Variants in CNOT1 observed in about 807,000 individuals in gnomAD.
CNOT1 encodes CCR4-associated factor 1.
Under a neutral mutation model 273.8 loss-of-function variants are expected in CNOT1, and 15 were observed. The observed-to-expected ratio is 0.05, with a 90% confidence interval of 0.04 to 0.08. The LOEUF (loss-of-function observed/expected upper bound fraction) is 0.08, where lower values mean the gene tolerates loss of function less well. Among genes scored for constraint, CNOT1 ranks in the 10% least tolerant of loss-of-function variants. The pLI, the probability that CNOT1 is intolerant of heterozygous loss-of-function variation, is 1.00. For missense variants in CNOT1, 1,644 were observed against 2,912.2 expected (o/e 0.56, Z 10.02); for synonymous variants, 1,022 against 1,005.5 (o/e 1.02, Z -0.31).
At chr16:58,612,395 G>C (rs545444111) in intron 1 of CNOT1, among the ~76,000 whole-genome samples, 1 of 152,044 alleles carries the variant, frequency 6.6e-6, no homozygotes, top group Non-Finnish European at 1.5e-5. Flanking sequence ...ACCTAAAAAA[G>C]GTCAATCTGA....
chr16:58,565,360 C>G (rs1435103899), intron 16 of CNOT1, among the ~76,000 whole-genome samples: 4 of 152,108 alleles, frequency 2.6e-5, no homozygotes, highest in Non-Finnish European at 2.9e-5. Flanking sequence ...AGCAATTTGC[C>G]CACCTCAGCC....
chr16:58,598,521 A>T (rs1332709899), intron 2 of CNOT1, among the ~76,000 whole-genome samples: 2 of 151,734 alleles, frequency 1.3e-5, no homozygotes, highest in African/African-American at 4.8e-5. Flanking sequence ...GTGAGCTGAG[A>T]TCGCGTCACT....
At chr16:58,557,122 G>A in intron 18 of CNOT1, 129 bp from the exon 19 acceptor site, 1 of 1,272,510 alleles carries the variant, frequency 7.9e-7, no homozygotes, top group Non-Finnish European at 1.0e-6. Flanking sequence ...AAAAGTCAGA[G>A]TCTTTGTTAA....
intron 34 of CNOT1, 150 bp downstream of exon 34, chr16:58,541,351 G>A: frequency 4.0e-6 from 5 of 1,252,192 alleles, no homozygotes; most frequent in Non-Finnish European, 5.3e-6. Flanking sequence ...ATACTTAATT[G>A]GACACAAAGA....
At chr16:58,566,177 A>G (rs963348671) in intron 16 of CNOT1, among the ~76,000 whole-genome samples, 1 of 152,210 alleles carries the variant, frequency 6.6e-6, no homozygotes, top group Non-Finnish European at 1.5e-5. Context: ...TGTAATTACA[A>G]TGTAATTTGT....
intron 34 of CNOT1, among the ~76,000 whole-genome samples, 158 bp downstream of exon 34, chr16:58,541,343 A>G (rs2040090826): frequency 6.6e-6 from 1 of 152,248 alleles, no homozygotes; most frequent in Admixed American, 6.5e-5. Flanking sequence ...TGTATGTCAT[A>G]CTTAATTGGA....
At chr16:58,521,650 A>G (rs1254385166) in intron 47 of CNOT1, among the ~76,000 whole-genome samples, 1 of 152,168 alleles carries the variant, frequency 6.6e-6, no homozygotes, top group African/African-American at 2.4e-5. Context: ...AAAAAGTAGT[A>G]ATTTCCAGAA....
intron 2 of CNOT1, among the ~76,000 whole-genome samples, chr16:58,590,033 G>A (rs954528466): frequency 6.6e-6 from 1 of 152,098 alleles, no homozygotes; most frequent in Non-Finnish European, 1.5e-5. Context: ...CTGCTAATTT[G>A]TTTATTGAAA....
chr16:58,564,623 T>C (rs1380856614), intron 16 of CNOT1, among the ~76,000 whole-genome samples: 7 of 152,186 alleles, frequency 4.6e-5, no homozygotes, highest in Admixed American at 4.6e-4. Flanking sequence ...AATTAAAATA[T>C]TCACCTTTAC....
At chr16:58,549,534 G>T (rs1444613864) in intron 25 of CNOT1, among the ~76,000 whole-genome samples, 185 bp downstream of exon 25, 2 of 152,094 alleles carry the variant, frequency 1.3e-5, no homozygotes, top group Admixed American at 6.5e-5. Context: ...AAGGCACAGG[G>T]TATGCCTATA....
At chr16:58,540,006 G>C in intron 34 of CNOT1, 47 bp from the exon 35 acceptor site, 3 of 1,553,846 alleles carry the variant, frequency 1.9e-6, no homozygotes, top group Non-Finnish European at 1.7e-6. Flanking sequence ...AGAATGTTAA[G>C]GTTTTTTATT....
intron 1 of CNOT1, among the ~76,000 whole-genome samples, chr16:58,602,252 G>A (rs2042493430): frequency 1.3e-5 from 2 of 151,732 alleles, no homozygotes; most frequent in South Asian, 4.2e-4. Context: ...ATTTTTTCTA[G>A]TAGAGATGGG....
At chr16:58,565,666 A>T (rs1038214951) in intron 16 of CNOT1, among the ~76,000 whole-genome samples, 1 of 152,130 alleles carries the variant, frequency 6.6e-6, no homozygotes. Flanking sequence ...CTCAGGGCCA[A>T]GTGCAATGGC....
In CNOT1 at chr16:58,543,822, G is replaced by A; in HGVS notation, c.4219C>T (p.Pro1407Ser). Reference sequence around the variant, plus strand: ...ATCTTAATTGATCGATCCACCACAGGATGGACCAGCTCCTGGACAGCCCGT... The same window carrying A: ...ATCTTAATTGATCGATCCACCACAGAATGGACCAGCTCCTGGACAGCCCGT... ...IERAVQELVH[P>S]VVDRSIKIAM... The change falls in exon 31 of 49, where the codon CCT becomes TCT. Residue 1407 changes from proline to serine, a missense_variant. By Grantham distance (74) the Pro-to-Ser change is moderately conservative. Transcript: ENST00000317147. 6.2e-7 allele frequency: 1 copy of A among 1,614,098 alleles called. No individual in the cohort carries two copies. The highest frequency in any genetic ancestry group is 8.5e-7 in the Non-Finnish European group (1 of 1,180,022).
chr16:58,613,184 A>T (rs1357246365), intron 1 of CNOT1, among the ~76,000 whole-genome samples: 1 of 152,044 alleles, frequency 6.6e-6, no homozygotes, highest in African/African-American at 2.4e-5. Context: ...GGCATGCGCC[A>T]ACACGCCCAG....
intron 15 of CNOT1, 121 bp from the exon 16 acceptor site, chr16:58,574,881 A>G: frequency 6.4e-7 from 1 of 1,560,276 alleles, no homozygotes; most frequent in Non-Finnish European, 8.6e-7. Flanking sequence ...TTGCCATTTA[A>G]AAAAGTTGTT....
intron 19 of CNOT1, 140 bp downstream of exon 19, chr16:58,556,707 T>C: frequency 7.2e-7 from 1 of 1,382,536 alleles, no homozygotes; most frequent in East Asian, 2.6e-5. Flanking sequence ...ACCTCTAACT[T>C]TTAATAATTC....
In CNOT1 at chr16:58,625,967, T is replaced by C. The variant is rs2043561148; in HGVS notation, c.-175+3761A>G. 1.3e-5 allele frequency among the ~76,000 whole-genome samples: 2 copies of C among 151,980 alleles called. 1 individual carries two copies. The highest frequency in any genetic ancestry group is 2.9e-5 in the Non-Finnish European group (2 of 68,020). ...AAATTGTGAGCAAACAGAAAAGGAA[T>C]TGCTAGATTCTTCTATATATAGAGT... On this transcript the variant is annotated intron_variant, in intron 1 of 48. Coordinates refer to ENST00000317147, the MANE Select transcript of CNOT1 (RefSeq NM_016284.5).
intron 47 of CNOT1, 59 bp downstream of exon 47, chr16:58,523,311 A>C: frequency 6.6e-7 from 1 of 1,515,692 alleles, no homozygotes; most frequent in Non-Finnish European, 8.9e-7. Flanking sequence ...AGAGGAAAAA[A>C]AAAAGATGAA....
Sources: gnomAD v4.1 joint callset for allele counts (sites outside exome capture counted in the v4.1 genomes callset) on GRCh38, gnomAD v4.1.1 for gene constraint, MANE v1.5 for transcripts, NCBI Gene and HGNC (gene_info 2026-07-23, HGNC 2026-07-21) for gene names.